PPP4R2: variants seen among roughly 807,000 people sequenced by gnomAD.
PPP4R2 encodes serine/threonine-protein phosphatase 4 regulatory subunit 2.
PPP4R2 carries 13 observed loss-of-function variants against 47.2 expected under a neutral mutation model. The ratio of observed to expected loss-of-function variants is 0.28; its 90% CI spans 0.18 to 0.44. The LOEUF (loss-of-function observed/expected upper bound fraction) is 0.44. PPP4R2 is among the 20% of genes least tolerant of loss of function. The pLI, the probability that PPP4R2 is intolerant of heterozygous loss-of-function variation, is 1.00. For missense variants in PPP4R2, 421 were observed against 491.2 expected (o/e 0.86, Z 1.35); for synonymous variants, 151 against 163.3 (o/e 0.92, Z 0.57).
In PPP4R2 at chr3:73,067,237, T is replaced by A. The variant is rs1003864544; in HGVS notation, c.*1515T>A. 3.4e-4 allele frequency: 52 copies of A among 152,140 alleles called. No individual in the cohort carries two copies. Among genetic ancestry groups the A allele is most frequent in the African/African-American group, 1.2e-3 (48 of 41,456 alleles). 9.4% of individuals were successfully genotyped at this position (152,140 alleles called of 1,614,324 possible). ...TCAAAATATGAAAGAATCCCCCCTT[T>A]TTTAGTTTCAGATACCTGAACTACA... On this transcript the variant is annotated 3_prime_UTR_variant, in exon 9 of 9. Coordinates refer to ENST00000356692, the MANE Select transcript of PPP4R2 (RefSeq NM_174907.4).
At chr3:73,054,213 C>T (rs1242569732) in intron 3 of PPP4R2, among the ~76,000 whole-genome samples, 3 of 152,178 alleles carry the variant, frequency 2.0e-5, no homozygotes, top group African/African-American at 7.2e-5. Flanking sequence ...CCGCCGTGCT[C>T]AGCTAATTTC....
chr3:72,998,175 C>A lies in PPP4R2; in HGVS notation c.116+17C>A, dbSNP rs1437025506. 3 of 1,558,460 alleles carry A rather than the reference C, an allele frequency of 1.9e-6. No homozygotes were observed. The highest frequency in any genetic ancestry group is 1.8e-5 in the Admixed American group (1 of 55,856). ...AGAAACAATGTGAGTTGAAAACATG[C>A]ATTTGTCGTTATAGACCAGTGCATT... On this transcript the variant is annotated intron_variant, in intron 2 of 8. Coordinates refer to ENST00000356692, the MANE Select transcript of PPP4R2 (RefSeq NM_174907.4).
At chr3:73,003,362 C>T (rs534201808) in intron 2 of PPP4R2, among the ~76,000 whole-genome samples, 13 of 152,040 alleles carry the variant, frequency 8.6e-5, no homozygotes, top group African/African-American at 2.9e-4. Context: ...CTGGCACGTG[C>T]CACCATTGCC....
chr3:73,046,202 A>G (rs1294287217), intron 2 of PPP4R2, among the ~76,000 whole-genome samples: 2 of 152,218 alleles, frequency 1.3e-5, no homozygotes, highest in Non-Finnish European at 2.9e-5. Context: ...CAGTGCACAC[A>G]TTAACAGTGA....
chr3:73,018,452 T>TGTTATGTTATGTTTG lies in PPP4R2; in HGVS notation c.116+20294_116+20295insGTTATGTTATGTTTG. ...TGTTATGTTATGTTATGTTATGTTA[T>TGTTATGTTATGTTTG]TTATGTTATGTTAGTATCCGAAACA... On this transcript the variant is annotated intron_variant, in intron 2 of 8. Transcript: ENST00000356692. 1.1e-3 allele frequency among the ~76,000 whole-genome samples: 109 copies of TGTTATGTTATGTTTG among 96,392 alleles called. 1 individual carries two copies. Among genetic ancestry groups the TGTTATGTTATGTTTG allele is most frequent in the Admixed American group, 1.8e-3 (16 of 8,688 alleles). 63.2% of individuals were successfully genotyped at this position (96,392 alleles called of 152,430 possible). A position where few individuals can be genotyped will look rare whatever the true frequency, so the allele number is the denominator to read the frequency against.
chr3:73,044,859 CAGATA>C (rs1429665289), intron 2 of PPP4R2, among the ~76,000 whole-genome samples: 6 of 152,182 alleles, frequency 3.9e-5, no homozygotes, highest in African/African-American at 1.2e-4. Flanking sequence ...AACCCCTTAT[CAGATA>C]AAAGATTTGC....
At chr3:73,006,322 C>A (rs1480955839) in intron 2 of PPP4R2, among the ~76,000 whole-genome samples, 1 of 151,656 alleles carries the variant, frequency 6.6e-6, no homozygotes, top group Non-Finnish European at 1.5e-5. Context: ...TCTCAGCCTC[C>A]CTGGTAGCTG....
intron 2 of PPP4R2, among the ~76,000 whole-genome samples, chr3:73,002,230 G>A (rs1425824999): frequency 6.6e-6 from 1 of 151,988 alleles, no homozygotes; most frequent in Middle Eastern, 3.2e-3. Flanking sequence ...TCCATTGATG[G>A]GAACTCAGGT....
At chr3:73,006,483 C>G (rs976975539) in intron 2 of PPP4R2, among the ~76,000 whole-genome samples, 2 of 152,160 alleles carry the variant, frequency 1.3e-5, no homozygotes, top group African/African-American at 4.8e-5. Flanking sequence ...AGCCACCACA[C>G]TTGGCCCAGA....
intron 2 of PPP4R2, among the ~76,000 whole-genome samples, chr3:73,016,741 TA>T (rs532398876): frequency 0.025 from 2,777 of 110,520 alleles, 260 homozygotes; most frequent in African/African-American, 0.093. Flanking sequence ...TTATTTTTAT[TA>T]TTTTTTTTTT....
rs374045005 is a variant in PPP4R2 at position 73,063,734 on chromosome 3, A to G, written c.481A>G (p.Ser161Gly). 6 of 1,583,162 alleles carry G rather than the reference A, an allele frequency of 3.8e-6. No individual in the cohort carries two copies. Among genetic ancestry groups the G allele is most frequent in the East Asian group, 4.5e-5 (2 of 44,682 alleles). ...NGVMFPGNSP[S>G]YTERSNINGP... is the part of the protein sequence containing the mutation. Reference sequence around the variant, plus strand: ...TGTTATGTTTCCTGGAAATTCACCAAGCTATACTGAGAGGTGAGATTCTAG... The same window carrying G: ...TGTTATGTTTCCTGGAAATTCACCAGGCTATACTGAGAGGTGAGATTCTAG... The change falls in exon 6 of 9, where the codon AGC becomes GGC. Residue 161 changes from serine (S) to glycine (G), a missense_variant. By Grantham distance (56) the Ser-to-Gly change is moderately conservative (BLOSUM62 0). This residue lies in a region of PPP4R2 where 104 missense variants were observed against 203.7 expected (regional missense o/e 0.51). Transcript: ENST00000356692.
rs148336109 is a variant in PPP4R2 at position 73,035,490 on chromosome 3, C to G, written c.117-11696C>G. ...CTGCTAGTGGAAATGTAGATTGGTA[C>G]AGCCACTATGGGAAACAGTGTAGAG... On this transcript the variant is annotated intron_variant, in intron 2 of 8. Coordinates refer to ENST00000356692, the MANE Select transcript of PPP4R2 (RefSeq NM_174907.4). Among the ~76,000 whole-genome samples, 340 of 152,294 alleles carry G rather than the reference C, an allele frequency of 2.2e-3. 1 individual carries two copies. Among genetic ancestry groups the G allele is most frequent in the African/African-American group, 7.9e-3 (330 of 41,576 alleles).
At chr3:73,060,154 G>T (rs758442270) in intron 4 of PPP4R2, among the ~76,000 whole-genome samples, 1 of 152,040 alleles carries the variant, frequency 6.6e-6, no homozygotes, top group Non-Finnish European at 1.5e-5. Flanking sequence ...TTTTACCCTG[G>T]GAACAGGAAT....
chr3:73,007,512 C>G (rs1322557011), intron 2 of PPP4R2, among the ~76,000 whole-genome samples: 6 of 151,308 alleles, frequency 4.0e-5, no homozygotes, highest in Non-Finnish European at 5.9e-5. Flanking sequence ...GAGTCTCACT[C>G]TGTCACCCAG....
At chr3:72,997,181 G>C in intron 1 of PPP4R2, 110 bp downstream of exon 1, 1 of 847,372 alleles carries the variant, frequency 1.2e-6, no homozygotes, top group Non-Finnish European at 1.6e-6. Context: ...CGTGGGGAGA[G>C]TGCTTCCCGG....
At chr3:73,020,429 A>C (rs1197744778) in intron 2 of PPP4R2, among the ~76,000 whole-genome samples, 1 of 152,148 alleles carries the variant, frequency 6.6e-6, no homozygotes, top group Non-Finnish European at 1.5e-5. Context: ...TGGGAGGCAG[A>C]GTCAGGCGGA....
intron 5 of PPP4R2, chr3:73,063,042 A>G (rs1702903987): frequency 2.5e-6 from 2 of 807,596 alleles, no homozygotes; most frequent in Admixed American, 2.7e-5. Context: ...TTAAAAAGGC[A>G]TTGGGGAAAT....
chr3:73,062,906 A>G (rs760221099), intron 5 of PPP4R2: 6 of 1,607,738 alleles, frequency 3.7e-6, no homozygotes, highest in Non-Finnish European at 5.1e-6. Flanking sequence ...GTTAGTTGCC[A>G]AGAAAGCACA....
intron 2 of PPP4R2, among the ~76,000 whole-genome samples, chr3:73,022,820 T>C (rs948423105): frequency 8.6e-5 from 13 of 151,894 alleles, no homozygotes; most frequent in Admixed American, 6.6e-5. Flanking sequence ...TGCTGACTTA[T>C]ATTTAATGGA....
Sources: gnomAD v4.1 joint callset for allele counts (sites outside exome capture counted in the v4.1 genomes callset) on GRCh38, gnomAD v4.1.1 for gene constraint, gnomAD v4.1.1 regional missense constraint, MANE v1.5 for transcripts, NCBI Gene and HGNC (gene_info 2026-07-23, HGNC 2026-07-21) for gene names.